Variants in CNTNAP5 observed in about 807,000 individuals in gnomAD.
CNTNAP5 encodes contactin associated protein family member 5, also known as contactin-associated protein-like 5.
In CNTNAP5, 72 loss-of-function variants were observed where a neutral mutation model predicts 150.2. That is an observed-to-expected ratio of 0.48 (90% CI 0.40 to 0.58). CNTNAP5 has a LOEUF of 0.58. CNTNAP5 is among the 20% of genes least tolerant of loss of function. The probability of loss-of-function intolerance (pLI) is 0.00; values close to 1 mark genes in which losing one functional copy is unlikely to be tolerated. For missense variants in CNTNAP5, 1,636 were observed against 1,626.2 expected (o/e 1.01, Z -0.10); for synonymous variants, 672 against 619.8 (o/e 1.08, Z -1.25).
chr2:124,128,839 C>T (rs1683778925), intron 1 of CNTNAP5, among the ~76,000 whole-genome samples: 1 of 152,088 alleles, frequency 6.6e-6, no homozygotes, highest in South Asian at 2.1e-4. Context: ...CATATTCTCA[C>T]TCATAGGTGG....
intron 7 of CNTNAP5, among the ~76,000 whole-genome samples, chr2:124,493,443 C>T (rs914798698): frequency 3.3e-5 from 5 of 151,902 alleles, no homozygotes; most frequent in South Asian, 2.1e-4. Flanking sequence ...CAGGTTCAAG[C>T]GATTCTCCTG....
chr2:124,877,794 T>A (rs1677889753), intron 21 of CNTNAP5, among the ~76,000 whole-genome samples: 1 of 152,102 alleles, frequency 6.6e-6, no homozygotes, highest in Non-Finnish European at 1.5e-5. Context: ...GTACTAAAAA[T>A]GGTATAATAT....
intron 1 of CNTNAP5, among the ~76,000 whole-genome samples, chr2:124,102,706 G>T (rs1216476414): frequency 6.6e-6 from 1 of 152,164 alleles, no homozygotes; most frequent in African/African-American, 2.4e-5. Flanking sequence ...ATCTGCGCTT[G>T]TGAACCCACC....
At chr2:124,294,121 A>T (rs780021) in intron 3 of CNTNAP5, among the ~76,000 whole-genome samples, 120,696 of 151,920 alleles carry the variant, frequency 0.79, 48,050 homozygotes, top group South Asian at 0.9. Context: ...CCGACATGGA[A>T]GCTCTGATTG....
At chr2:124,310,480 A>G (rs1029422735) in intron 3 of CNTNAP5, among the ~76,000 whole-genome samples, 14 of 152,108 alleles carry the variant, frequency 9.2e-5, no homozygotes, top group African/African-American at 3.4e-4. Flanking sequence ...GTAACTTCCC[A>G]TTACAGTTTA....
intron 12 of CNTNAP5, among the ~76,000 whole-genome samples, chr2:124,634,632 C>T (rs1677934493): frequency 6.6e-6 from 1 of 152,060 alleles, no homozygotes; most frequent in African/African-American, 2.4e-5. Flanking sequence ...CTCAGCCCCC[C>T]AAGTAGCTGG....
chr2:124,804,369 A>G (rs1004397992), intron 19 of CNTNAP5, among the ~76,000 whole-genome samples: 1 of 152,182 alleles, frequency 6.6e-6, no homozygotes, highest in Non-Finnish European at 1.5e-5. Flanking sequence ...GGATCTGGTT[A>G]ATCTTTCTTG....
chr2:124,773,947 TGAGAGA>T (rs70999215), intron 17 of CNTNAP5, among the ~76,000 whole-genome samples: 5 of 121,060 alleles, frequency 4.1e-5, no homozygotes, highest in African/African-American at 1.7e-4. Flanking sequence ...TGTGTGTGTG[TGAGAGA>T]GAGAGAGAGA....
At chr2:124,688,843 A>G (rs560991865) in intron 13 of CNTNAP5, among the ~76,000 whole-genome samples, 3 of 152,144 alleles carry the variant, frequency 2.0e-5, no homozygotes, top group Non-Finnish European at 4.4e-5. Context: ...GACAAGGTCA[A>G]TTATCTTATA....
intron 19 of CNTNAP5, among the ~76,000 whole-genome samples, chr2:124,816,903 G>A (rs1682376260): frequency 6.6e-6 from 1 of 152,160 alleles, no homozygotes; most frequent in African/African-American, 2.4e-5. Flanking sequence ...TCATGCGAAT[G>A]ATATCACATC....
intron 13 of CNTNAP5, among the ~76,000 whole-genome samples, chr2:124,734,570 T>A (rs918319327): frequency 6.6e-6 from 1 of 151,952 alleles, no homozygotes; most frequent in African/African-American, 2.4e-5. Context: ...AGTAGCATCA[T>A]CACATGCACA....
chr2:124,340,857 A>G (rs1689595927), intron 3 of CNTNAP5, among the ~76,000 whole-genome samples: 1 of 148,476 alleles, frequency 6.7e-6, no homozygotes, highest in African/African-American at 2.5e-5. Context: ...ATGTACACAC[A>G]CACTATATGT....
chr2:124,122,004 C>A (rs1683573749), intron 1 of CNTNAP5, among the ~76,000 whole-genome samples: 1 of 152,176 alleles, frequency 6.6e-6, no homozygotes, highest in Admixed American at 6.5e-5. Context: ...AGCAAGCATT[C>A]TACTGGAGGT....
chr2:124,462,272 T>C (rs1250143808), intron 6 of CNTNAP5, among the ~76,000 whole-genome samples: 1 of 152,174 alleles, frequency 6.6e-6, no homozygotes, highest in Non-Finnish European at 1.5e-5. Context: ...ACTCTGGGGC[T>C]TGGCCTGGGC....
chr2:124,219,274 G>A lies in CNTNAP5; in HGVS notation c.83-2431G>A, dbSNP rs1001831998. Among the ~76,000 whole-genome samples the A allele has an allele frequency of 7.9e-5, 12 of 152,032 alleles. 1 individual carries two copies. The highest frequency in any genetic ancestry group is 7.2e-4 in the Admixed American group (11 of 15,254). The stretch of plus-strand genomic sequence containing the variant: ...AAGAAAAGATTTAGGGGAGAAGTAG[G>A]GTTAGGAGTACAATACTCAAAAATT... On this transcript the variant is annotated intron_variant, in intron 1 of 23. Coordinates refer to ENST00000682447, the MANE Select transcript of CNTNAP5 (RefSeq NM_001367498.1).
chr2:124,680,547 G>A (rs1679043471), intron 13 of CNTNAP5, among the ~76,000 whole-genome samples: 1 of 151,816 alleles, frequency 6.6e-6, no homozygotes, highest in South Asian at 2.1e-4. Context: ...TAGGCCAGCA[G>A]CTTCTTGTAT....
chr2:124,645,147 T>C (rs1678177343), intron 12 of CNTNAP5, among the ~76,000 whole-genome samples: 1 of 152,248 alleles, frequency 6.6e-6, no homozygotes, highest in South Asian at 2.1e-4. Flanking sequence ...AGCATTTGTC[T>C]ATACTGGTAT....
At chr2:124,110,902 G>A (rs1271531264) in intron 1 of CNTNAP5, among the ~76,000 whole-genome samples, 3 of 152,118 alleles carry the variant, frequency 2.0e-5, no homozygotes, top group African/African-American at 7.2e-5. Context: ...CCACCAGAAC[G>A]GGGAGCTGAG....
chr2:124,393,178 G>A (rs1691164179), intron 3 of CNTNAP5, among the ~76,000 whole-genome samples: 1 of 152,052 alleles, frequency 6.6e-6, no homozygotes, highest in South Asian at 2.1e-4. Flanking sequence ...GTCATATGTG[G>A]AGGCTATGTG....
Sources: allele counts gnomAD v4.1 joint callset (sites outside exome capture counted in the v4.1 genomes callset), GRCh38; gene constraint gnomAD v4.1.1; transcripts MANE v1.5; gene names NCBI Gene and HGNC (gene_info 2026-07-23, HGNC 2026-07-21).